The following FASN variants were observed in gnomAD, a reference collection of about 807,000 sequenced individuals.
FASN encodes the protein fatty acid synthase.
Under a neutral mutation model 250.0 loss-of-function variants are expected in FASN, and 50 were observed. That is an observed-to-expected ratio of 0.20 (90% CI 0.16 to 0.25). The LOEUF (loss-of-function observed/expected upper bound fraction) is 0.25. FASN is among the 10% of genes least tolerant of loss of function. FASN has a pLI of 1.00. For missense variants in FASN, 3,031 were observed against 3,498.5 expected, an observed-to-expected ratio of 0.87 and a Z score of 3.37; for synonymous variants, 1,909 against 1,584.0, an observed-to-expected ratio of 1.21 and a Z score of -4.87.
rs370692974 is a variant in FASN at position 82,080,112 on chromosome 17, T to C, written c.7146+28A>G. On this transcript the variant is annotated intron_variant, in intron 41 of 42. Coordinates refer to ENST00000306749, the MANE Select transcript of FASN (RefSeq NM_004104.5). ...CGTTCCTGCCCAGTACTCTGGGTCC[T>C]GCGGCCTCAGGGGTGTCCAGGACCC... 9 of 1,604,830 alleles carry C rather than the reference T, an allele frequency of 5.6e-6. No individual in the cohort carries two copies. The African/African-American group carries it at 9.4e-5, about 17-fold the overall frequency.
At chr17:82,096,488 C>G in intron 1 of FASN, 36 bp from the exon 2 acceptor site, 1 of 1,606,194 alleles carries the variant, frequency 6.2e-7, no homozygotes, top group South Asian at 1.1e-5. Context: ...CCACACATCC[C>G]GGCCACGACA....
In FASN at chr17:82,080,249, G is replaced by T; in HGVS notation, c.7048-11C>A. 6.2e-7 allele frequency: 1 copy of T among 1,612,968 alleles called. No individual in the cohort carries two copies. Among genetic ancestry groups the T allele is most frequent in the Non-Finnish European group, 8.5e-7 (1 of 1,179,960 alleles). ...CTTTGCCCGGTAGCTCTGAGAGGAAGGAGGGACTGCTGAGCAGATGGAAGG... is the reference window on the plus strand; with the variant it reads ...CTTTGCCCGGTAGCTCTGAGAGGAATGAGGGACTGCTGAGCAGATGGAAGG... On this transcript the variant is annotated splice_polypyrimidine_tract_variant and intron_variant, in intron 40 of 42. Coordinates refer to ENST00000306749, the MANE Select transcript of FASN (RefSeq NM_004104.5).
intron 19 of FASN, 43 bp downstream of exon 19, chr17:82,087,642 C>G (rs375530694): frequency 3.1e-6 from 5 of 1,606,320 alleles, no homozygotes; most frequent in African/African-American, 1.3e-5. Flanking sequence ...CAATGACGAC[C>G]GCCCTCCCCG....
At chr17:82,094,370 C>T (rs112727267) in intron 3 of FASN, among the ~76,000 whole-genome samples, 3 of 152,046 alleles carry the variant, frequency 2.0e-5, no homozygotes, top group South Asian at 4.2e-4. Context: ...CCCCTCCTCG[C>T]CCCTGGTGGG....
chr17:82,083,916 G>A (rs749396049), intron 29 of FASN, 25 bp from the exon 30 acceptor site: 3 of 1,553,932 alleles, frequency 1.9e-6, no homozygotes, highest in Middle Eastern at 1.7e-4. Context: ...AAGCGCGGCT[G>A]GTGAGCCAGG....
intron 2 of FASN, 28 bp downstream of exon 2, chr17:82,096,291 A>G (rs1463928508): frequency 6.2e-7 from 1 of 1,610,330 alleles, no homozygotes; most frequent in Middle Eastern, 1.6e-4. Context: ...TTCACACCCC[A>G]GGCACGGGGA....
At chr17:82,088,587 G>A in intron 15 of FASN, 25 bp from the exon 16 acceptor site, 2 of 1,599,132 alleles carry the variant, frequency 1.3e-6, no homozygotes, top group South Asian at 1.1e-5. Context: ...GGCATGGGTA[G>A]CACACCCGTC....
chr17:82,091,640 G>A lies in FASN; in HGVS notation c.1074C>T (p.His358=), dbSNP rs780710816. Residue 358 remains histidine (H), a synonymous_variant, in exon 9 of 43, where the codon CAC becomes CAT. Coordinates refer to ENST00000306749, the MANE Select transcript of FASN (RefSeq NM_004104.5). ...GGATCTCAGGGTTGGGGCTATGGAA[G>A]TGCAGGTTGGGGGCCCAGAGCCCGT... is the stretch of plus-strand genomic sequence containing the variant. The part of the protein sequence containing the change: ...LEHGLWAPNL[H]FHSPNPEIPA... 7.1e-5 allele frequency: 114 copies of A among 1,596,796 alleles called. No homozygotes were observed. The highest frequency in any genetic ancestry group is 9.1e-5 in the Non-Finnish European group (107 of 1,173,440).
In FASN at chr17:82,089,017, C is replaced by T. The variant is rs1490965806; in HGVS notation, c.2256G>A (p.Val752=). The T allele has an allele frequency of 1.9e-6, 3 of 1,608,666 alleles. No homozygotes were observed. The highest frequency in any genetic ancestry group is 2.5e-6 in the Non-Finnish European group (3 of 1,178,178). Residue 752 remains valine, a synonymous_variant, in exon 14 of 43, where the codon GTG becomes GTA. Transcript: ENST00000306749. ...TCTCCAGCACCACCGCGTGCTCAGG[C>T]ACGTGCCACAGGGCCTCCTGGAACA... The part of the protein sequence containing the change: ...PVLFQEALWH[V]PEHAVVLEIA...
rs141532672 is a variant in FASN at position 82,088,441 on chromosome 17, C to T, written c.2542G>A (p.Glu848Lys). 20 of 1,611,590 alleles carry T rather than the reference C, an allele frequency of 1.2e-5. No homozygotes were observed. The highest frequency in any genetic ancestry group is 9.3e-5 in the African/African-American group (7 of 74,888). Residue 848 changes from glutamate to lysine, a missense_variant, in exon 16 of 43, where the codon GAG (glutamate) becomes AAG (lysine). By Grantham distance (56) the Glu-to-Lys change is moderately conservative. Coordinates refer to ENST00000306749, the MANE Select transcript of FASN (RefSeq NM_004104.5). ...GAACCTGAACCGTTGGGGAAGTCCT[C>T]GGCGGCCGGCACGTCCCAGGCCAGG... Reference protein sequence around the residue: ...HSLAWDVPAAEDFPNGSGSPS... With the variant: ...HSLAWDVPAAKDFPNGSGSPS...
intron 3 of FASN, among the ~76,000 whole-genome samples, chr17:82,094,415 C>T (rs558629887): frequency 1.4e-4 from 21 of 150,760 alleles, no homozygotes; most frequent in African/African-American, 4.4e-4. Flanking sequence ...GTGTGTGAAC[C>T]GCTCACACCC....
chr17:82,092,863 C>A (rs758658773), intron 6 of FASN, 34 bp downstream of exon 6: 2 of 1,587,610 alleles, frequency 1.3e-6, no homozygotes, highest in Admixed American at 1.8e-5. Context: ...CTCCCACCTG[C>A]CCCCCAGCAC....
rs2034233910 is a variant in FASN at position 82,092,742 on chromosome 17, G to A, written c.849C>T (p.Ala283=). The A allele has an allele frequency of 6.2e-7, 1 of 1,604,902 alleles. No homozygotes were observed. The highest frequency in any genetic ancestry group is 8.5e-7 in the Non-Finnish European group (1 of 1,177,546). Residue 283 remains alanine, a synonymous_variant, in exon 7 of 43, where the codon GCC becomes GCT. Coordinates refer to ENST00000306749, the MANE Select transcript of FASN (RefSeq NM_004104.5). ...CTTCGATGTATTCAAATGACTCAGG[G>A]GCCACTCCGGCCGACTGGTACAACG... ...IRSLYQSAGV[A]PESFEYIEAH...
chr17:82,090,526 C>T lies in FASN; in HGVS notation c.1719G>A (p.Arg573=), dbSNP rs774917923. The change falls in exon 11 of 43, where the codon AGG becomes AGA. Residue 573 remains arginine (R), a synonymous_variant. Coordinates refer to ENST00000306749, the MANE Select transcript of FASN (RefSeq NM_004104.5). Reference sequence around the variant, plus strand: ...GGGAGTGGCCGACGATGCCATCTGGCCTCAGCCCCATGCAGCTCAGCAGGT... The same window carrying T: ...GGGAGTGGCCGACGATGCCATCTGGTCTCAGCCCCATGCAGCTCAGCAGGT... The part of the protein sequence containing the change: ...LIDLLSCMGL[R]PDGIVGHSLG... 1.9e-6 allele frequency: 3 copies of T among 1,611,862 alleles called. No homozygotes were observed. The highest frequency in any genetic ancestry group is 2.2e-5 in the East Asian group (1 of 44,868).
rs1227376357 is a variant in FASN, at chr17:82,083,963, G to C, written c.5098+12C>G. The stretch of plus-strand genomic sequence containing the variant: ...AGGAGGGCAGCGGGAGGCACCGGGG[G>C]CGGGGCCTTACCCACGGTGGTGAAG... On this transcript the variant is annotated intron_variant, in intron 29 of 42. Transcript: ENST00000306749. 9.1e-6 allele frequency: 14 copies of C among 1,542,684 alleles called. No homozygotes were observed. Among genetic ancestry groups the C allele is most frequent in the African/African-American group, 2.7e-5 (2 of 73,036 alleles).
At chr17:82,093,917 G>T in intron 3 of FASN, 146 bp from the exon 4 acceptor site, 6 of 853,156 alleles carry the variant, frequency 7.0e-6, no homozygotes, top group Non-Finnish European at 1.1e-5. Flanking sequence ...CCCTGGAAGG[G>T]GCCTAAGGAG....
chr17:82,095,557 G>T, intron 2 of FASN, 85 bp from the exon 3 acceptor site: 3 of 1,527,730 alleles, frequency 2.0e-6, no homozygotes, highest in Non-Finnish European at 8.9e-7. Flanking sequence ...CCCTGGAGGG[G>T]CCATGGTGGA....
Position 82,087,686 on chromosome 17 carries a change from T to C in FASN, c.3042A>G (p.Glu1014=), listed in dbSNP as rs1209861481. The C allele has an allele frequency of 1.2e-6, 2 of 1,611,352 alleles. No homozygotes were observed. Among genetic ancestry groups the C allele is most frequent in the Admixed American group, 1.7e-5 (1 of 60,012 alleles). The part of the protein sequence containing the change: ...HFQGILEASL[E]GDSGRLLWKD... ...GGCAGCAGTGTAGTCAGTACCCACCTTCCAGGCTGGCCTCCAGGATGCCCT... is the reference window on the plus strand; with the variant it reads ...GGCAGCAGTGTAGTCAGTACCCACCCTCCAGGCTGGCCTCCAGGATGCCCT... Residue 1014 remains glutamate, a splice_region_variant and synonymous_variant, in exon 19 of 43, where the codon GAA becomes GAG. Coordinates refer to ENST00000306749, the MANE Select transcript of FASN (RefSeq NM_004104.5).
At chr17:82,089,813 G>A (rs1314619490) in intron 11 of FASN, 87 bp from the exon 12 acceptor site, 5 of 1,172,578 alleles carry the variant, frequency 4.3e-6, no homozygotes, top group East Asian at 2.5e-5. Context: ...TGCAGCTGGG[G>A]GCAGTAATGA....
Sources: allele counts gnomAD v4.1 joint callset (sites outside exome capture counted in the v4.1 genomes callset), GRCh38; gene constraint gnomAD v4.1.1; transcripts MANE v1.5; gene names NCBI Gene and HGNC (gene_info 2026-07-23, HGNC 2026-07-21).